THSD4: variants seen among roughly 807,000 people sequenced by gnomAD.
THSD4 encodes thrombospondin type-1 domain-containing protein 4.
A neutral mutation model predicts 119.0 loss-of-function variants in THSD4; 69 were observed. The ratio of observed to expected loss-of-function variants is 0.58; its 90% confidence interval spans 0.48 to 0.71. The LOEUF (loss-of-function observed/expected upper bound fraction) is 0.71, where lower values mean the gene tolerates loss of function less well. THSD4 is among the 30% of genes least tolerant of loss of function. The pLI, the probability that THSD4 is intolerant of heterozygous loss-of-function variation, is 0.00. For missense variants in THSD4, 1,393 were observed against 1,391.1 expected, an observed-to-expected ratio of 1.00 and a Z score of -0.02; for synonymous variants, 524 against 540.4, an observed-to-expected ratio of 0.97 and a Z score of 0.42.
At chr15:71,288,628 T>A (rs1475250767) in intron 6 of THSD4, among the ~76,000 whole-genome samples, 2 of 152,172 alleles carry the variant, frequency 1.3e-5, no homozygotes, top group East Asian at 3.9e-4. Flanking sequence ...TGGCAGAGAA[T>A]AGATCCGGGA....
At chr15:71,712,960 C>A in intron 8 of THSD4, among the ~76,000 whole-genome samples, 1 of 152,106 alleles carries the variant, frequency 6.6e-6, no homozygotes, top group Admixed American at 6.5e-5. Flanking sequence ...GGAGGTGAAA[C>A]TAATAAATTT....
chr15:71,433,537 A>T (rs1288314907), intron 7 of THSD4, among the ~76,000 whole-genome samples: 2 of 151,392 alleles, frequency 1.3e-5, no homozygotes, highest in Non-Finnish European at 2.9e-5. Context: ...CATATTAACT[A>T]AGGCCTCTGA....
intron 6 of THSD4, among the ~76,000 whole-genome samples, chr15:71,365,621 T>C (rs1040481711): frequency 6.6e-6 from 1 of 152,102 alleles, no homozygotes; most frequent in Non-Finnish European, 1.5e-5. Context: ...TGGGAGGCCT[T>C]ATGGTATGAT....
intron 3 of THSD4, among the ~76,000 whole-genome samples, chr15:71,173,916 G>A (rs548950583): frequency 7.2e-5 from 11 of 152,144 alleles, no homozygotes; most frequent in Admixed American, 4.6e-4. Context: ...GGGAAAAGAT[G>A]TCGTGTATAA....
At chr15:71,207,469 G>A (rs1406317124) in intron 3 of THSD4, among the ~76,000 whole-genome samples, 1 of 152,238 alleles carries the variant, frequency 6.6e-6, no homozygotes, top group Non-Finnish European at 1.5e-5. Flanking sequence ...GCCAAAGGCA[G>A]ACCCAGTTCA....
chr15:71,458,752 G>A (rs1352329268), intron 7 of THSD4, among the ~76,000 whole-genome samples: 1 of 152,156 alleles, frequency 6.6e-6, no homozygotes, highest in Admixed American at 6.5e-5. Context: ...GGAAAATATT[G>A]TATTCATCCT....
chr15:71,437,375 C>T (rs745900695), intron 7 of THSD4, among the ~76,000 whole-genome samples: 5 of 152,156 alleles, frequency 3.3e-5, no homozygotes, highest in Admixed American at 6.5e-5. Flanking sequence ...AAATAGAAGA[C>T]GATGGTTTGT....
intron 7 of THSD4, among the ~76,000 whole-genome samples, chr15:71,574,780 A>C (rs1409834225): frequency 1.3e-5 from 2 of 152,186 alleles, no homozygotes; most frequent in Non-Finnish European, 2.9e-5. Flanking sequence ...GAGGAGCTTC[A>C]AAGTCACATT....
intron 7 of THSD4, among the ~76,000 whole-genome samples, chr15:71,554,283 A>C (rs2048982969): frequency 6.7e-6 from 1 of 148,222 alleles, no homozygotes; most frequent in Non-Finnish European, 1.5e-5. Flanking sequence ...TTTTTAGTAG[A>C]GATGGGTTTC....
intron 7 of THSD4, among the ~76,000 whole-genome samples, chr15:71,546,736 T>A (rs567030381): frequency 6.6e-6 from 1 of 152,320 alleles, no homozygotes; most frequent in South Asian, 2.1e-4. Flanking sequence ...CAAACACACA[T>A]CACCCTTGTG....
At chr15:71,451,714 T>C (rs1396501300) in intron 7 of THSD4, among the ~76,000 whole-genome samples, 1 of 152,206 alleles carries the variant, frequency 6.6e-6, no homozygotes, top group African/African-American at 2.4e-5. Flanking sequence ...TTTGGAAAAC[T>C]GCCCTCTCTC....
intron 8 of THSD4, among the ~76,000 whole-genome samples, chr15:71,695,515 T>C (rs1296446895): frequency 1.3e-5 from 2 of 151,914 alleles, no homozygotes; most frequent in Admixed American, 6.6e-5. Context: ...TGTGTGTGTG[T>C]GTGTGTGTGT....
At chr15:71,638,267 G>A (rs962811653) in intron 7 of THSD4, among the ~76,000 whole-genome samples, 11 of 152,142 alleles carry the variant, frequency 7.2e-5, no homozygotes, top group African/African-American at 2.4e-4. Flanking sequence ...AGTGAATACA[G>A]GATTCTCTGG....
rs540840687 is a variant in THSD4, at chr15:71,494,858, A to G, written c.1152+83035A>G. ...AGGAGAAATAAAATACCCTAAAGAT[A>G]TGAAAACATTTTGTAAATCGACATA... On this transcript the variant is annotated intron_variant, in intron 7 of 17. Coordinates refer to ENST00000261862, the MANE Select transcript of THSD4 (RefSeq NM_024817.3). Among the ~76,000 whole-genome samples the G allele has an allele frequency of 1.4e-3, 217 of 152,348 alleles. 6 individuals are homozygous for G. The South Asian group carries it at 0.043, about 30-fold the overall frequency.
chr15:71,365,666 T>C (rs2045952600), intron 6 of THSD4, among the ~76,000 whole-genome samples: 1 of 152,116 alleles, frequency 6.6e-6, no homozygotes, highest in African/African-American at 2.4e-5. Flanking sequence ...GGATTGGAGA[T>C]GAATCTTGTT....
In THSD4 at chr15:71,737,725, C is replaced by A; in HGVS notation, c.1631-7C>A. Reference sequence around the variant, plus strand: ...TGATTCTGTGTGTGCACGCTCACCTCTCCTAGGGGAACCCTTCAATGGCCA... The same window carrying A: ...TGATTCTGTGTGTGCACGCTCACCTATCCTAGGGGAACCCTTCAATGGCCA... On this transcript the variant is annotated splice_region_variant and splice_polypyrimidine_tract_variant and intron_variant, in intron 10 of 17. Coordinates refer to ENST00000261862, the MANE Select transcript of THSD4 (RefSeq NM_024817.3). 1 of 1,602,864 alleles carries A rather than the reference C, an allele frequency of 6.2e-7. No individual in the cohort carries two copies. Among genetic ancestry groups the A allele is most frequent in the Non-Finnish European group, 8.5e-7 (1 of 1,174,528 alleles).
intron 4 of THSD4, among the ~76,000 whole-genome samples, chr15:71,233,208 TA>T (rs2044075482): frequency 6.6e-6 from 1 of 152,224 alleles, no homozygotes; most frequent in Non-Finnish European, 1.5e-5. Flanking sequence ...CTTTGGGGCT[TA>T]CAGTGTATTT....
intron 7 of THSD4, among the ~76,000 whole-genome samples, chr15:71,522,604 G>T (rs754229142): frequency 6.6e-6 from 1 of 152,230 alleles, no homozygotes. Context: ...GGATGTCATG[G>T]TTGTCACCTA....
At position 71,743,062 on chromosome 15, in the gene THSD4, A is replaced by T. The variant is rs545402891; in HGVS notation, c.1907-2044A>T. ...AGAGCTAAACTCTGTCTCAAAAAAA[A>T]TAAAAAAAGATTTGTAGATCTGGCA... On this transcript the variant is annotated intron_variant, in intron 11 of 17. Transcript: ENST00000261862. Among the ~76,000 whole-genome samples, 580 of 147,782 alleles carry T rather than the reference A, an allele frequency of 3.9e-3. 4 individuals carry two copies. The highest frequency in any genetic ancestry group is 0.013 in the African/African-American group (531 of 40,136).
Sources: gnomAD v4.1 joint callset for allele counts (sites outside exome capture counted in the v4.1 genomes callset) on GRCh38, gnomAD v4.1.1 for gene constraint, MANE v1.5 for transcripts, NCBI Gene and HGNC (gene_info 2026-07-23, HGNC 2026-07-21) for gene names.